Variants in XKRX observed in about 807,000 individuals in gnomAD.
XKRX encodes XK related X-linked.
Under a neutral mutation model 22.4 loss-of-function variants are expected in XKRX, and 11 were observed. The observed-to-expected ratio is 0.49, with a 90% CI of 0.31 to 0.81. The LOEUF (loss-of-function observed/expected upper bound fraction) is 0.81, where lower values mean the gene tolerates loss of function less well. Ranked by LOEUF, XKRX falls within the 40% of genes least tolerant of loss-of-function variation. The pLI, the probability that XKRX is intolerant of heterozygous loss-of-function variation, is 0.05. For missense variants in XKRX, 320 were observed against 336.5 expected (o/e 0.95, Z 0.38); for synonymous variants, 114 against 132.2 (o/e 0.86, Z 0.94).
At chrX:100,899,829 C>T in the XKRX span, among the ~76,000 whole-genome samples, 1 of 111,359 alleles carries the variant, frequency 9.0e-6, no homozygotes, top group South Asian at 3.8e-4. Flanking sequence ...AATTATAAAA[C>T]GTTGTTGAAA....
chrX:100,893,770 C>T, the XKRX span, among the ~76,000 whole-genome samples: 1 of 111,525 alleles, frequency 9.0e-6, no homozygotes, highest in African/African-American at 3.3e-5. Context: ...AAATGGCACA[C>T]ATGGACATAA....
At chrX:100,924,655 T>C (rs1183813893) in intron 1 of XKRX, among the ~76,000 whole-genome samples, 1 of 112,310 alleles carries the variant, frequency 8.9e-6, no homozygotes, top group Non-Finnish European at 1.9e-5. Flanking sequence ...TTAACACGTC[T>C]TGCCCAAGAG....
chrX:100,910,481 A>T (rs1428498967), downstream of XKRX, among the ~76,000 whole-genome samples: 1 of 109,013 alleles, frequency 9.2e-6, no homozygotes, highest in Non-Finnish European at 1.9e-5. Flanking sequence ...GCTACTTGGG[A>T]GGCTAGGGCA....
the XKRX span, chrX:100,887,771 C>T: frequency 6.8e-5 from 58 of 853,639 alleles, no homozygotes; most frequent in Non-Finnish European, 9.0e-5. Context: ...CCTCCCTTCA[C>T]GGGTCCAAAA....
intron 1 of XKRX, among the ~76,000 whole-genome samples, chrX:100,927,519 G>C (rs1211018767): frequency 1.8e-5 from 2 of 110,902 alleles, no homozygotes; most frequent in Non-Finnish European, 3.8e-5. Context: ...ACATTCCTTT[G>C]GTCCCAGCTA....
chrX:100,943,824 TTC>T, the XKRX span, among the ~76,000 whole-genome samples: 1 of 112,358 alleles, frequency 8.9e-6, no homozygotes, highest in Non-Finnish European at 1.9e-5. Flanking sequence ...GATGTATTCA[TTC>T]TGTTGATGAT....
chrX:100,942,254 A>G, the XKRX span, among the ~76,000 whole-genome samples: 1 of 112,438 alleles, frequency 8.9e-6, no homozygotes, highest in East Asian at 2.8e-4. Context: ...TATTAGGACT[A>G]GAACCCAAAC....
the XKRX span, chrX:100,957,256 A>T: frequency 1.0e-6 from 1 of 980,155 alleles, no homozygotes; most frequent in African/African-American, 1.9e-5. Context: ...GGTAGATTTG[A>T]CATGGAAGTG....
the XKRX span, among the ~76,000 whole-genome samples, chrX:100,950,464 C>G: frequency 8.9e-6 from 1 of 111,949 alleles, no homozygotes; most frequent in Non-Finnish European, 1.9e-5. Context: ...TGTAACATTT[C>G]TCTCTCAACA....
the XKRX span, among the ~76,000 whole-genome samples, chrX:100,902,614 C>G: frequency 8.9e-5 from 10 of 111,883 alleles, no homozygotes; most frequent in Non-Finnish European, 1.9e-4. Context: ...TGTAATTCAT[C>G]ATATTAACAG....
the XKRX span, among the ~76,000 whole-genome samples, chrX:100,949,957 AAAAT>A: frequency 8.9e-6 from 1 of 112,490 alleles, no homozygotes; most frequent in East Asian, 2.8e-4. Flanking sequence ...TTAGAATTAA[AAAAT>A]AAAACAATAA....
Position 100,915,013 on chromosome X carries a change from C to G in XKRX, c.675G>C (p.Gln225His). ...GAATCTTGTAGTCATCGTACTTGAT[C>G]TGGATAGCCAACATATTGCAAAGGG... The part of the protein sequence containing the change: ...GATLCNMLAI[Q>H]IKYDDYKIRL... The change falls in exon 3 of 3, where the codon CAG becomes CAC. Residue 225 changes from glutamine (Q) to histidine (H), a missense_variant. Coordinates refer to ENST00000372956, the MANE Select transcript of XKRX (RefSeq NM_212559.3). 2 of 1,211,778 alleles carry G rather than the reference C, an allele frequency of 1.7e-6. No homozygotes were observed. The highest frequency in any genetic ancestry group is 2.2e-6 in the Non-Finnish European group (2 of 895,526).
At chrX:100,912,946 C>G (rs949298253), downstream of XKRX, among the ~76,000 whole-genome samples, 1 of 111,461 alleles carries the variant, frequency 9.0e-6, no homozygotes, top group Admixed American at 9.5e-5. Context: ...GCCTGTAATC[C>G]CAGTGCTTTG....
Position 100,923,039 on chromosome X carries a change from AC to A in XKRX, c.357del (p.Lys119AsnfsTer24). 1 of 1,211,720 alleles carries A rather than the reference AC, an allele frequency of 8.3e-7. No homozygotes were observed. Among genetic ancestry groups the A allele is most frequent in the African/African-American group, 1.7e-5 (1 of 57,799 alleles). On this transcript the variant is annotated frameshift_variant, in exon 2 of 3. Transcript: ENST00000372956. LOFTEE classifies it high-confidence loss of function. ...TCCTCTTTCTTCCACAGTGTGAGGT[AC>A]TTAATCATGGCCTCCAAACATCTGC... ...PVIRCLEAMI[K>X]YLTLWKKEEQ...
the XKRX span, among the ~76,000 whole-genome samples, chrX:100,891,368 G>A: frequency 9.1e-6 from 1 of 110,391 alleles, no homozygotes; most frequent in Non-Finnish European, 1.9e-5. Context: ...ACCACAAAAG[G>A]CACAGAATAG....
chrX:100,910,079 T>C (rs1458768181), downstream of XKRX, among the ~76,000 whole-genome samples: 1 of 110,747 alleles, frequency 9.0e-6, no homozygotes, highest in African/African-American at 3.3e-5. Context: ...AAACTATTAG[T>C]TTATTTCTTT....
chrX:100,934,422 A>T (rs1460470240), upstream of XKRX, among the ~76,000 whole-genome samples: 2 of 111,804 alleles, frequency 1.8e-5, no homozygotes, highest in Non-Finnish European at 3.8e-5. Context: ...TGCAGGCAGA[A>T]TTTCTATATC....
the XKRX span, among the ~76,000 whole-genome samples, chrX:100,949,354 GT>G: frequency 5.2e-5 from 3 of 58,146 alleles, no homozygotes; most frequent in East Asian, 3.1e-3. Flanking sequence ...GAAACAGGAT[GT>G]TTTTGGTTGT....
chrX:100,956,621 T>C, the XKRX span: 1 of 526,408 alleles, frequency 1.9e-6, no homozygotes, highest in East Asian at 3.5e-5. Context: ...GAACTCTTTT[T>C]TAAGAAAGCA....
Sources: gnomAD v4.1 joint callset for allele counts (sites outside exome capture counted in the v4.1 genomes callset) on GRCh38, gnomAD v4.1.1 for gene constraint, MANE v1.5 for transcripts, NCBI Gene and HGNC (gene_info 2026-07-23, HGNC 2026-07-21) for gene names.